SLCO3A1: variants seen among roughly 807,000 people sequenced by gnomAD.
SLCO3A1 encodes solute carrier organic anion transporter family member 3A1.
SLCO3A1 carries 27 observed loss-of-function variants against 63.1 expected under a neutral mutation model. The ratio of observed to expected loss-of-function variants is 0.43; its 90% CI spans 0.32 to 0.59. The LOEUF (loss-of-function observed/expected upper bound fraction) is 0.59, where lower values mean the gene tolerates loss of function less well. SLCO3A1 is among the 20% of genes least tolerant of loss of function. SLCO3A1 has a pLI of 0.09. For synonymous variants in SLCO3A1, 473 were observed against 409.9 expected, an observed-to-expected ratio of 1.15 and a Z score of -1.86; for missense variants, 773 against 945.8, an observed-to-expected ratio of 0.82 and a Z score of 2.40.
intron 2 of SLCO3A1, among the ~76,000 whole-genome samples, chr15:92,011,795 C>A: frequency 6.6e-6 from 1 of 152,256 alleles, no homozygotes; most frequent in Non-Finnish European, 1.5e-5. Flanking sequence ...CAGGACCTGA[C>A]CATTGAATGG....
downstream of SLCO3A1, chr15:92,165,910 A>C: frequency 1.0e-6 from 1 of 985,140 alleles, no homozygotes; most frequent in South Asian, 4.7e-5. Flanking sequence ...TGAATGCTAG[A>C]GTTCTCTCTC....
At position 91,860,797 on chromosome 15, in the gene SLCO3A1, C is replaced by G. The variant is rs1344267878; in HGVS notation, c.180+6709C>G. Reference sequence around the variant, plus strand: ...CTCACGTCTTGTCTGCTGCCTTCACCTCGTGTTCTCTTGCAGTATTAAGTG... The same window carrying G: ...CTCACGTCTTGTCTGCTGCCTTCACGTCGTGTTCTCTTGCAGTATTAAGTG... On this transcript the variant is annotated intron_variant, in intron 1 of 9. Transcript: ENST00000318445. This position sits in a 1 kb window ranked among gnomAD's most constrained non-coding sequence, Gnocchi z 5.5. Among the ~76,000 whole-genome samples, 2 of 152,246 alleles carry G rather than the reference C, an allele frequency of 1.3e-5. No homozygotes were observed. Among genetic ancestry groups the G allele is most frequent in the Non-Finnish European group, 2.9e-5 (2 of 68,046 alleles).
At chr15:92,146,465 C>T (rs2074886) in intron 7 of SLCO3A1, among the ~76,000 whole-genome samples, 1 of 152,122 alleles carries the variant, frequency 6.6e-6, no homozygotes, top group African/African-American at 2.4e-5. Flanking sequence ...CTGTCCCTCG[C>T]CCAGCCTTGC....
chr15:92,150,518 A>G (rs1245256433), intron 8 of SLCO3A1, among the ~76,000 whole-genome samples: 1 of 152,172 alleles, frequency 6.6e-6, no homozygotes, highest in Admixed American at 6.5e-5. Flanking sequence ...TGACTGGAGA[A>G]TGGTAAAGGT....
intron 2 of SLCO3A1, among the ~76,000 whole-genome samples, chr15:92,067,836 C>T (rs2047169727): frequency 6.6e-6 from 1 of 152,204 alleles, no homozygotes; most frequent in South Asian, 2.1e-4. Context: ...CATGGTTCTG[C>T]AGGCGGGGAC....
Position 91,967,131 on chromosome 15 carries a change from C to T in SLCO3A1, c.646+50673C>T, listed in dbSNP as rs1900688526. On this transcript the variant is annotated intron_variant, in intron 2 of 9. Coordinates refer to ENST00000318445, the MANE Select transcript of SLCO3A1 (RefSeq NM_013272.4). The surrounding 1 kb of genome is among the most constrained non-coding windows in gnomAD (Gnocchi z 4.4). ...AGGCTCTAAAGAAGTTTTGAAATAC[C>T]TCATTCTATTTGTGCTGCTTTTTAT... is the stretch of plus-strand genomic sequence containing the variant. Among the ~76,000 whole-genome samples, 1 of 151,980 alleles carries T rather than the reference C, an allele frequency of 6.6e-6. No individual in the cohort carries two copies. Among genetic ancestry groups the T allele is most frequent in the Non-Finnish European group, 1.5e-5 (1 of 67,994 alleles).
In SLCO3A1 at chr15:91,910,991, G is replaced by A. The variant is rs1228106165; in HGVS notation, c.181-5002G>A. Reference sequence around the variant, plus strand: ...ATAAGTGTTTTTTTGTTAAGTGAATGCCTGATAACCTTGCCCCTGGTTGGC... The same window carrying A: ...ATAAGTGTTTTTTTGTTAAGTGAATACCTGATAACCTTGCCCCTGGTTGGC... On this transcript the variant is annotated intron_variant, in intron 1 of 9. Coordinates refer to ENST00000318445, the MANE Select transcript of SLCO3A1 (RefSeq NM_013272.4). Among the ~76,000 whole-genome samples the A allele has an allele frequency of 2.0e-5, 3 of 152,310 alleles. No homozygotes were observed. The East Asian group carries it at 5.8e-4, about 29-fold the overall frequency.
intron 4 of SLCO3A1, among the ~76,000 whole-genome samples, chr15:92,110,524 C>T (rs1006165155): frequency 5.3e-5 from 8 of 152,178 alleles, no homozygotes; most frequent in Non-Finnish European, 1.2e-4. Context: ...ATACCCCAGG[C>T]TCCTTTCCTC....
Position 92,095,119 on chromosome 15 carries a change from G to A in SLCO3A1, c.745+140G>A, listed in dbSNP as rs116829976. 2.1e-3 allele frequency: 1,248 copies of A among 601,496 alleles called. 14 individuals are homozygous for A. The highest frequency in any genetic ancestry group is 0.019 in the African/African-American group (1,037 of 54,970). The allele number at this position is 601,496 out of a possible 1,614,324, so 37.3% of individuals were successfully genotyped here. ...CTGCCTCTGTAGCTGGGGCTCACCC[G>A]AGATTAGATGAAAGAACGTGAGTGT... On this transcript the variant is annotated intron_variant, in intron 3 of 9. Transcript: ENST00000318445.
Position 91,958,626 on chromosome 15 carries a change from C to T in SLCO3A1, c.646+42168C>T, listed in dbSNP as rs183867219. Among the ~76,000 whole-genome samples, 8 of 152,226 alleles carry T rather than the reference C, an allele frequency of 5.3e-5. No homozygotes were observed. In the East Asian group the frequency reaches 1.4e-3, roughly 26 times the overall value. On this transcript the variant is annotated intron_variant, in intron 2 of 9. Transcript: ENST00000318445. ...CTACATTAATTTGGTGTTAGGCAAACAGAGGAAAGCCTTCTTAAAAAACAG... is the reference window on the plus strand; with the variant it reads ...CTACATTAATTTGGTGTTAGGCAAATAGAGGAAAGCCTTCTTAAAAAACAG...
downstream of SLCO3A1, among the ~76,000 whole-genome samples, chr15:92,166,357 A>C (rs2048493628): frequency 6.6e-6 from 1 of 152,208 alleles, no homozygotes; most frequent in South Asian, 2.1e-4. Flanking sequence ...GGAGCTCCTA[A>C]GGAATCATTT....
At chr15:91,970,516 T>G (rs1900820664) in intron 2 of SLCO3A1, among the ~76,000 whole-genome samples, 1 of 152,194 alleles carries the variant, frequency 6.6e-6, no homozygotes, top group Non-Finnish European at 1.5e-5. Flanking sequence ...GAGCGTTTGC[T>G]GAGCCTGTGA....
chr15:92,100,310 G>A (rs1303197102), intron 3 of SLCO3A1, among the ~76,000 whole-genome samples: 2 of 152,188 alleles, frequency 1.3e-5, no homozygotes, highest in African/African-American at 4.8e-5. Flanking sequence ...TGACCACGGG[G>A]TAGATTAGTG....
At position 91,882,692 on chromosome 15, in the gene SLCO3A1, T is replaced by C. The variant is rs1279290444; in HGVS notation, c.180+28604T>C. Among the ~76,000 whole-genome samples the C allele has an allele frequency of 1.3e-5, 2 of 152,112 alleles. No individual in the cohort carries two copies. The highest frequency in any genetic ancestry group is 6.5e-5 in the Admixed American group (1 of 15,284). The stretch of plus-strand genomic sequence containing the variant: ...CCACCACCACGTCCAGCTAACTTTT[T>C]TGTATTTTTAGTAGAGACAGGGTTT... On this transcript the variant is annotated intron_variant, in intron 1 of 9. Coordinates refer to ENST00000318445, the MANE Select transcript of SLCO3A1 (RefSeq NM_013272.4). This position sits in a 1 kb window ranked among gnomAD's most constrained non-coding sequence, Gnocchi z 4.4.
intron 2 of SLCO3A1, among the ~76,000 whole-genome samples, chr15:92,029,587 G>T (rs1028909595): frequency 6.6e-6 from 1 of 152,000 alleles, no homozygotes; most frequent in Non-Finnish European, 1.5e-5. Flanking sequence ...CACAATAAAG[G>T]CTAAGCAGGA....
At chr15:91,983,860 C>G (rs1329087360) in intron 2 of SLCO3A1, among the ~76,000 whole-genome samples, 1 of 152,182 alleles carries the variant, frequency 6.6e-6, no homozygotes, top group Non-Finnish European at 1.5e-5. Context: ...CAACCCATGT[C>G]ACATTCCTGG....
intron 1 of SLCO3A1, among the ~76,000 whole-genome samples, chr15:91,870,538 T>C (rs1014810979): frequency 6.6e-6 from 1 of 152,238 alleles, no homozygotes; most frequent in Non-Finnish European, 1.5e-5. Flanking sequence ...GAACTGGATG[T>C]GTATTTTCAA....
chr15:91,898,770 ATAT>A (rs1424204152), intron 1 of SLCO3A1, among the ~76,000 whole-genome samples: 2 of 152,236 alleles, frequency 1.3e-5, no homozygotes. Context: ...CAAAATATAC[ATAT>A]TATGAATATA....
At chr15:91,931,788 A>AACACACACACACACACACACACACACAC (rs112525299) in intron 2 of SLCO3A1, among the ~76,000 whole-genome samples, 3 of 144,130 alleles carry the variant, frequency 2.1e-5, no homozygotes, top group South Asian at 2.2e-4. Context: ...TAAGTGTGGA[A>AACACACACACACACACACACACACACAC]ACACACACAC....
Sources: gnomAD v4.1 joint callset for allele counts (sites outside exome capture counted in the v4.1 genomes callset) on GRCh38, gnomAD v4.1.1 for gene constraint, Gnocchi (gnomAD v3.1) non-coding constraint, MANE v1.5 for transcripts, NCBI Gene and HGNC (gene_info 2026-07-23, HGNC 2026-07-21) for gene names.